GABRG3: variants seen among roughly 807,000 people sequenced by gnomAD.
GABRG3 encodes the protein gamma-aminobutyric acid type A receptor subunit gamma3.
In GABRG3, 25 loss-of-function variants were observed where a neutral mutation model predicts 48.8. The observed-to-expected ratio is 0.51, with a 90% CI of 0.37 to 0.72. The LOEUF (loss-of-function observed/expected upper bound fraction) is 0.72, where lower values mean the gene tolerates loss of function less well. Among genes scored for constraint, GABRG3 ranks in the 30% least tolerant of loss-of-function variants. The pLI is 0.00. For synonymous variants in GABRG3, 227 were observed against 217.6 expected, an observed-to-expected ratio of 1.04 and a Z score of -0.38; for missense variants, 394 against 577.9, an observed-to-expected ratio of 0.68 and a Z score of 3.26.
intron 3 of GABRG3, among the ~76,000 whole-genome samples, chr15:27,159,127 A>G (rs1330486335): frequency 6.7e-6 from 1 of 148,924 alleles, no homozygotes; most frequent in African/African-American, 2.4e-5. Flanking sequence ...TAAAACTTAT[A>G]TTTATCTAAG....
chr15:27,240,192 T>A (rs1890092891), intron 3 of GABRG3, among the ~76,000 whole-genome samples: 1 of 152,160 alleles, frequency 6.6e-6, no homozygotes, highest in African/African-American at 2.4e-5. Context: ...GTTGTTAAGA[T>A]CATTCTATAA....
At chr15:27,130,489 C>G (rs1897897906) in intron 3 of GABRG3, among the ~76,000 whole-genome samples, 1 of 152,066 alleles carries the variant, frequency 6.6e-6, no homozygotes, top group African/African-American at 2.4e-5. Context: ...AGACCCCCAA[C>G]TTTGTTCTTC....
intron 3 of GABRG3, among the ~76,000 whole-genome samples, chr15:27,297,224 A>G (rs985136349): frequency 6.6e-5 from 10 of 152,226 alleles, no homozygotes; most frequent in African/African-American, 1.9e-4. Flanking sequence ...AAGAAAGTTT[A>G]TAAAGTAAAA....
intron 3 of GABRG3, among the ~76,000 whole-genome samples, chr15:27,194,357 C>T (rs999944722): frequency 6.6e-6 from 1 of 152,150 alleles, no homozygotes; most frequent in Non-Finnish European, 1.5e-5. Flanking sequence ...TATTTCCATA[C>T]TCTTCTTTCT....
intron 3 of GABRG3, among the ~76,000 whole-genome samples, chr15:27,307,831 C>CATATATAAAATAAACATGTTTATAAAT (rs1566772128): frequency 3.7e-5 from 4 of 107,662 alleles, no homozygotes; most frequent in African/African-American, 1.4e-4. Flanking sequence ...TAAACATAAA[C>CATATATAAAATAAACATGTTTATAAAT]ATATATAAAA....
At position 27,540,345 on chromosome 15, in the gene GABRG3, T is replaced by A. The variant is rs111301577; in HGVS notation, c.*7464T>A. 2.0e-5 allele frequency: 3 copies of A among 152,356 alleles called. No homozygotes were observed. The highest frequency in any genetic ancestry group is 7.2e-5 in the African/African-American group (3 of 41,580). 9.4% of individuals were successfully genotyped at this position (152,356 alleles called of 1,614,324 possible). A position where few individuals can be genotyped will look rare whatever the true frequency, so the allele number is the denominator to read the frequency against. On this transcript the variant is annotated 3_prime_UTR_variant, in exon 10 of 10. Coordinates refer to ENST00000615808, the MANE Select transcript of GABRG3 (RefSeq NM_033223.5). The stretch of plus-strand genomic sequence containing the variant: ...GATAACGTTTGAATTGTCTAACAAC[T>A]ATCTTTTTTCACTAAAATACATGCA...
chr15:27,329,756 TCTA>T (rs1428146744), intron 5 of GABRG3, among the ~76,000 whole-genome samples: 1 of 152,258 alleles, frequency 6.6e-6, no homozygotes. Flanking sequence ...AAAGACAACA[TCTA>T]CTGCTTAGTA....
chr15:27,147,900 C>T (rs1898238821), intron 3 of GABRG3, among the ~76,000 whole-genome samples: 1 of 151,560 alleles, frequency 6.6e-6, no homozygotes, highest in South Asian at 2.1e-4. Flanking sequence ...TACCTTTCCC[C>T]TAAGCAACTA....
chr15:27,003,378 A>T (rs957230421), intron 2 of GABRG3, among the ~76,000 whole-genome samples: 5 of 151,706 alleles, frequency 3.3e-5, no homozygotes, highest in African/African-American at 7.3e-5. Context: ...GGCCTTCCGC[A>T]GTGTTTGTGT....
chr15:27,336,629 A>C (rs547054156), intron 5 of GABRG3, among the ~76,000 whole-genome samples: 1 of 152,228 alleles, frequency 6.6e-6, no homozygotes, highest in African/African-American at 2.4e-5. Flanking sequence ...CTAAAACTGT[A>C]CTTACCATAT....
At chr15:27,140,022 C>T (rs567376549) in intron 3 of GABRG3, among the ~76,000 whole-genome samples, 11 of 152,346 alleles carry the variant, frequency 7.2e-5, no homozygotes, top group Middle Eastern at 6.8e-3. Context: ...AGGCAGGTGC[C>T]AGGGAGGGCT....
intron 5 of GABRG3, among the ~76,000 whole-genome samples, chr15:27,458,036 G>A (rs571362060): frequency 6.6e-6 from 1 of 152,088 alleles, no homozygotes; most frequent in Admixed American, 6.5e-5. Context: ...CAGGCCCCCC[G>A]ACTCTGGGTT....
chr15:27,265,906 C>T (rs2140470217), intron 3 of GABRG3, among the ~76,000 whole-genome samples: 1 of 97,980 alleles, frequency 1.0e-5, no homozygotes, highest in East Asian at 2.6e-4. Flanking sequence ...TTGAGAGTGA[C>T]CTTCGCTCTT....
rs1896702597 is a variant in GABRG3 at position 27,064,406 on chromosome 15, C to G, written c.270+37585C>G. 1.3e-5 allele frequency among the ~76,000 whole-genome samples: 2 copies of G among 152,158 alleles called. 1 individual carries two copies. The highest frequency in any genetic ancestry group is 4.1e-4 in the South Asian group (2 of 4,826). ...TTGGAGCTTGGTGCAGCGTTTCTGA[C>G]CCTTCTCTTCGTCCATGAATCTCAC... On this transcript the variant is annotated intron_variant, in intron 3 of 9. Coordinates refer to ENST00000615808, the MANE Select transcript of GABRG3 (RefSeq NM_033223.5).
chr15:27,360,954 G>A (rs1490399433), intron 5 of GABRG3, among the ~76,000 whole-genome samples: 1 of 152,184 alleles, frequency 6.6e-6, no homozygotes, highest in Non-Finnish European at 1.5e-5. Flanking sequence ...GAGCCTGGCA[G>A]ACTTATTCTG....
At chr15:26,989,489 T>G (rs1895209548) in intron 2 of GABRG3, among the ~76,000 whole-genome samples, 1 of 152,192 alleles carries the variant, frequency 6.6e-6, no homozygotes, top group Non-Finnish European at 1.5e-5. Flanking sequence ...ACTTTTTTAT[T>G]GTTAACTTTT....
At position 27,313,260 on chromosome 15, in the gene GABRG3, GTGTATATATATATATATATATATATATA is replaced by G. The variant is rs1211636335; in HGVS notation, c.271-13547_271-13520del. On this transcript the variant is annotated intron_variant, in intron 3 of 9. Coordinates refer to ENST00000615808, the MANE Select transcript of GABRG3 (RefSeq NM_033223.5). ...TATATATGTGTGTGTGTGTGTGTGT[GTGTATATATATATATATATATATATATA>G]TATATATATATATATATATATACCC... is the stretch of plus-strand genomic sequence containing the variant. 1.2e-3 allele frequency among the ~76,000 whole-genome samples: 61 copies of G among 49,560 alleles called. 2 individuals carry two copies. Among genetic ancestry groups the G allele is most frequent in the African/African-American group, 5.0e-3 (57 of 11,296 alleles). 32.5% of individuals were successfully genotyped at this position (49,560 alleles called of 152,430 possible). A position where few individuals can be genotyped will look rare whatever the true frequency, so the allele number is the denominator to read the frequency against.
intron 5 of GABRG3, among the ~76,000 whole-genome samples, chr15:27,474,145 C>T (rs965954644): frequency 6.6e-6 from 1 of 152,138 alleles, no homozygotes; most frequent in African/African-American, 2.4e-5. Flanking sequence ...TTAGGAATTA[C>T]CTGATATGAA....
chr15:27,092,634 G>A (rs1239984076), intron 3 of GABRG3, among the ~76,000 whole-genome samples: 2 of 152,212 alleles, frequency 1.3e-5, no homozygotes, highest in Non-Finnish European at 2.9e-5. Context: ...GGGTGATTTA[G>A]TGCTGGAGAA....
Sources: gnomAD v4.1 joint callset for allele counts (sites outside exome capture counted in the v4.1 genomes callset) on GRCh38, gnomAD v4.1.1 for gene constraint, MANE v1.5 for transcripts, NCBI Gene and HGNC (gene_info 2026-07-23, HGNC 2026-07-21) for gene names.